The following DYNC2LI1 variants were observed in gnomAD, a reference collection of about 807,000 sequenced individuals.
The protein encoded by DYNC2LI1 is cytoplasmic dynein 2 light intermediate chain 1.
A neutral mutation model predicts 51.9 loss-of-function variants in DYNC2LI1; 45 were observed. The observed-to-expected ratio is 0.87, with a 90% CI of 0.68 to 1.11. The LOEUF (loss-of-function observed/expected upper bound fraction) is 1.11, where lower values mean the gene tolerates loss of function less well. Among genes scored for constraint, DYNC2LI1 ranks in the 50% most tolerant of loss-of-function variants. The pLI, the probability that DYNC2LI1 is intolerant of heterozygous loss-of-function variation, is 0.00. For missense variants in DYNC2LI1, 490 were observed against 417.4 expected, an observed-to-expected ratio of 1.17 and a Z score of -1.51; for synonymous variants, 130 against 137.8, an observed-to-expected ratio of 0.94 and a Z score of 0.40.
At chr2:43,783,604 A>T (rs368169552) in intron 3 of DYNC2LI1, 50 bp downstream of exon 3, 1 of 1,245,222 alleles carries the variant, frequency 8.0e-7, no homozygotes, top group Non-Finnish European at 1.1e-6. Context: ...TTCTAGTTGT[A>T]TAGGGCAAGT....
the DYNC2LI1 span, among the ~76,000 whole-genome samples, chr2:43,823,357 C>G: frequency 7.1e-6 from 1 of 140,088 alleles, no homozygotes; most frequent in Non-Finnish European, 1.5e-5. Flanking sequence ...GATGCAGACA[C>G]TTAGCATTGC....
intron 4 of DYNC2LI1, among the ~76,000 whole-genome samples, chr2:43,789,347 A>G (rs773196126): frequency 6.6e-6 from 1 of 152,210 alleles, no homozygotes; most frequent in Non-Finnish European, 1.5e-5. Context: ...TATATGCTAC[A>G]TATGTTATTT....
At chr2:43,812,295 CTT>C (rs1284081255), downstream of DYNC2LI1, among the ~76,000 whole-genome samples, 5 of 144,582 alleles carry the variant, frequency 3.5e-5, no homozygotes, top group African/African-American at 1.3e-4. Flanking sequence ...AGTGCATATA[CTT>C]TAGTAAAGTT....
chr2:43,779,332 G>T (rs754747696), intron 2 of DYNC2LI1, among the ~76,000 whole-genome samples: 52 of 152,162 alleles, frequency 3.4e-4, no homozygotes, highest in Non-Finnish European at 6.6e-4. Context: ...ATAAAGAGAA[G>T]CGATTAATGC....
At chr2:43,826,009 T>C in the DYNC2LI1 span, among the ~76,000 whole-genome samples, 1 of 152,082 alleles carries the variant, frequency 6.6e-6, no homozygotes, top group Non-Finnish European at 1.5e-5. Flanking sequence ...GAGGTCTTCC[T>C]CTGTCACCCA....
At chr2:43,821,541 T>C in the DYNC2LI1 span, among the ~76,000 whole-genome samples, 1,119 of 152,322 alleles carry the variant, frequency 7.3e-3, 15 homozygotes, top group African/African-American at 0.026. Flanking sequence ...CCGCAGATGC[T>C]GGACCCCTTC....
At chr2:43,782,996 A>G (rs558515926) in intron 2 of DYNC2LI1, among the ~76,000 whole-genome samples, 1 of 152,194 alleles carries the variant, frequency 6.6e-6, no homozygotes, top group Non-Finnish European at 1.5e-5. Context: ...ATAAAATAAA[A>G]TAAAATAAAA....
At chr2:43,788,457 T>C (rs1673625312) in intron 4 of DYNC2LI1, among the ~76,000 whole-genome samples, 4 of 152,208 alleles carry the variant, frequency 2.6e-5, no homozygotes, top group Admixed American at 2.6e-4. Flanking sequence ...GGAAGCATCA[T>C]GTCTTTCTCA....
At chr2:43,816,495 A>G in the DYNC2LI1 span, among the ~76,000 whole-genome samples, 1 of 152,346 alleles carries the variant, frequency 6.6e-6, no homozygotes, top group South Asian at 2.1e-4. Flanking sequence ...GAGGAACCAT[A>G]GATCTGGATG....
At chr2:43,798,779 A>T (rs1665977089) in intron 8 of DYNC2LI1, among the ~76,000 whole-genome samples, 1 of 152,220 alleles carries the variant, frequency 6.6e-6, no homozygotes, top group African/African-American at 2.4e-5. Flanking sequence ...CACCAAAGGA[A>T]CCATAAGGCC....
At chr2:43,818,935 A>G in the DYNC2LI1 span, among the ~76,000 whole-genome samples, 163 of 152,282 alleles carry the variant, frequency 1.1e-3, no homozygotes, top group African/African-American at 3.6e-3. Flanking sequence ...TGGTAGAGGA[A>G]GTTTCTGACT....
At chr2:43,809,655 T>C (rs1261205085) in intron 12 of DYNC2LI1, 50 bp from the exon 13 acceptor site, 10 of 1,398,090 alleles carry the variant, frequency 7.2e-6, no homozygotes, top group Non-Finnish European at 9.0e-6. Context: ...GGTGCCTCCT[T>C]GAATTAGTAA....
At chr2:43,789,106 T>C (rs1235877417) in intron 4 of DYNC2LI1, among the ~76,000 whole-genome samples, 1 of 152,224 alleles carries the variant, frequency 6.6e-6, no homozygotes, top group African/African-American at 2.4e-5. Flanking sequence ...GAACAAATCG[T>C]CTGCTTATAC....
At chr2:43,801,425 G>C (rs1666073698) in intron 9 of DYNC2LI1, 1 of 387,306 alleles carries the variant, frequency 2.6e-6, no homozygotes, top group Admixed American at 4.7e-5. Flanking sequence ...AAGGTAATAG[G>C]GTCTGTCACT....
the DYNC2LI1 span, among the ~76,000 whole-genome samples, chr2:43,822,269 C>T: frequency 6.6e-6 from 1 of 152,142 alleles, no homozygotes; most frequent in Non-Finnish European, 1.5e-5. Context: ...TTATGCTTCA[C>T]CTCCTTTAAC....
At chr2:43,811,458 G>C (rs1179982644), downstream of DYNC2LI1, among the ~76,000 whole-genome samples, 1 of 152,146 alleles carries the variant, frequency 6.6e-6, no homozygotes, top group African/African-American at 2.4e-5. Context: ...TTAGGTCACA[G>C]TCAGTGAACA....
chr2:43,813,153 A>C, downstream of DYNC2LI1: 1 of 1,457,574 alleles, frequency 6.9e-7, no homozygotes, highest in Non-Finnish European at 9.6e-7. Flanking sequence ...TTTGAAAACA[A>C]CTATTCCTAG....
downstream of DYNC2LI1, among the ~76,000 whole-genome samples, chr2:43,811,926 T>C (rs1367266481): frequency 6.6e-6 from 1 of 152,196 alleles, no homozygotes; most frequent in Admixed American, 6.5e-5. Flanking sequence ...TTTACATTAT[T>C]TTATCCTTGA....
chr2:43,814,619 C>T (rs987940944), downstream of DYNC2LI1: 4 of 1,340,974 alleles, frequency 3.0e-6, no homozygotes, highest in Non-Finnish European at 4.3e-6. Context: ...AAATGAAATT[C>T]AGTAGGCTCT....
Sources: allele counts gnomAD v4.1 joint callset (sites outside exome capture counted in the v4.1 genomes callset), GRCh38; gene constraint gnomAD v4.1.1; transcripts MANE v1.5; gene names NCBI Gene and HGNC (gene_info 2026-07-23, HGNC 2026-07-21).